COL21A1: variants seen among roughly 807,000 people sequenced by gnomAD.
COL21A1 encodes the protein collagen alpha-1(XXI) chain.
Under a neutral mutation model 137.9 loss-of-function variants are expected in COL21A1, and 149 were observed. The observed-to-expected ratio is 1.08, with a 90% CI of 0.95 to 1.24. COL21A1 has a LOEUF of 1.24. Ranked by LOEUF, COL21A1 falls within the 50% of genes most tolerant of loss-of-function variation. The pLI, the probability that COL21A1 is intolerant of heterozygous loss-of-function variation, is 0.00. For synonymous variants in COL21A1, 456 were observed against 391.5 expected, an observed-to-expected ratio of 1.16 and a Z score of -1.95; for missense variants, 1,167 against 1,158.4, an observed-to-expected ratio of 1.01 and a Z score of -0.11.
intron 1 of COL21A1, among the ~76,000 whole-genome samples, chr6:56,287,272 A>G (rs1224290632): frequency 6.6e-6 from 1 of 152,162 alleles, no homozygotes; most frequent in African/African-American, 2.4e-5. Context: ...GGAAAAAATA[A>G]TGGCTCCCCA....
chr6:56,100,890 G>A lies in COL21A1; in HGVS notation c.1812+582C>T, dbSNP rs193045778. On this transcript the variant is annotated intron_variant, in intron 17 of 29. Coordinates refer to ENST00000244728, the MANE Select transcript of COL21A1 (RefSeq NM_030820.4). ...TTACTTCAGTTCTTAACCTAGCTCC[G>A]CACAAGGCAAATTTCAAATTTCTTG... Among the ~76,000 whole-genome samples, 4 of 152,194 alleles carry A rather than the reference G, an allele frequency of 2.6e-5. No individual in the cohort carries two copies. The East Asian group carries it at 5.8e-4, about 22-fold the overall frequency.
intron 3 of COL21A1, among the ~76,000 whole-genome samples, chr6:56,178,027 G>C (rs1050503616): frequency 3.3e-5 from 5 of 152,008 alleles, no homozygotes; most frequent in Admixed American, 3.3e-4. Flanking sequence ...ACTCTTCTAA[G>C]CACATCTACT....
At chr6:56,373,372 C>T (rs2093993601) in intron 1 of COL21A1, among the ~76,000 whole-genome samples, 1 of 152,154 alleles carries the variant, frequency 6.6e-6, no homozygotes, top group African/African-American at 2.4e-5. Flanking sequence ...GAGGCCAAGA[C>T]GGGTGGATCA....
At chr6:56,126,731 A>G (rs965052110) in intron 12 of COL21A1, 1 of 152,222 alleles carries the variant, frequency 6.6e-6, no homozygotes, top group African/African-American at 2.4e-5. Context: ...TACTTAGTTC[A>G]GTGGGATATG....
chr6:56,219,019 A>G (rs1470367387), intron 1 of COL21A1, among the ~76,000 whole-genome samples: 1 of 152,068 alleles, frequency 6.6e-6, no homozygotes, highest in Non-Finnish European at 1.5e-5. Flanking sequence ...TGGGTGCCTC[A>G]TGAGCTGAGC....
At chr6:56,288,922 T>C (rs1763975853) in intron 1 of COL21A1, among the ~76,000 whole-genome samples, 1 of 152,222 alleles carries the variant, frequency 6.6e-6, no homozygotes, top group African/African-American at 2.4e-5. Context: ...AATTCCCTAT[T>C]GGGATGAAAA....
At position 56,385,515 on chromosome 6, in the gene COL21A1, T is replaced by A. The variant is rs1201982885; in HGVS notation, c.-39+8456A>T. Among the ~76,000 whole-genome samples the A allele has an allele frequency of 1.4e-4, 22 of 151,886 alleles. 1 individual carries two copies. The highest frequency in any genetic ancestry group is 1.4e-3 in the Admixed American group (21 of 15,236). On this transcript the variant is annotated intron_variant, in intron 1 of 28. Coordinates refer to the COL21A1 transcript ENST00000370819. ...TCTCACATTGTATCACTCTGACTCT[T>A]TTTTTTTAGTCTTCCTCCTCCACTT...
intron 28 of COL21A1, 65 bp from the exon 29 acceptor site, chr6:56,059,307 A>T (rs1327181494): frequency 1.2e-5 from 13 of 1,128,244 alleles, no homozygotes; most frequent in Non-Finnish European, 1.6e-5. Flanking sequence ...TGTTTCATTC[A>T]AAGCTGTTAA....
intron 17 of COL21A1, chr6:56,078,068 T>C (rs1456830847): frequency 2.2e-6 from 1 of 455,486 alleles, no homozygotes; most frequent in Non-Finnish European, 4.4e-6. Flanking sequence ...AAAATGGCAA[T>C]CTTTTCTCTT....
At chr6:56,072,824 A>G (rs1326673488) in intron 20 of COL21A1, among the ~76,000 whole-genome samples, 2 of 151,642 alleles carry the variant, frequency 1.3e-5, no homozygotes, top group African/African-American at 4.8e-5. Context: ...ATTTTATTGA[A>G]AAGATTATGT....
chr6:56,309,100 T>A (rs1425235467), intron 1 of COL21A1, among the ~76,000 whole-genome samples: 3 of 151,336 alleles, frequency 2.0e-5, no homozygotes, highest in African/African-American at 7.3e-5. Flanking sequence ...TGGAGTATAG[T>A]GGTGTGATCT....
rs182596595 is a variant in COL21A1, at chr6:56,207,309, A to G, written c.-38-24653T>C. ...GCTAACCAGACTAATAAAGAAGAAA[A>G]GAGAGAAGAATCACATAGATTCGAT... On this transcript the variant is annotated intron_variant, in intron 1 of 29. Transcript: ENST00000244728. Among the ~76,000 whole-genome samples, 51 of 152,302 alleles carry G rather than the reference A, an allele frequency of 3.3e-4. 1 individual carries two copies. In the East Asian group the frequency reaches 9.6e-3, roughly 29 times the overall value.
chr6:56,211,841 A>ATCC (rs1780196023), intron 1 of COL21A1, among the ~76,000 whole-genome samples: 1 of 151,906 alleles, frequency 6.6e-6, no homozygotes, highest in South Asian at 2.1e-4. Context: ...AAAATACATC[A>ATCC]ATCTATACCA....
chr6:56,327,633 G>C (rs537997312), intron 1 of COL21A1, among the ~76,000 whole-genome samples: 11 of 152,122 alleles, frequency 7.2e-5, no homozygotes, highest in Non-Finnish European at 1.3e-4. Flanking sequence ...TGGAGCCAAG[G>C]AGGCACTTAG....
chr6:56,187,757 A>G (rs1446199419), intron 1 of COL21A1, among the ~76,000 whole-genome samples: 5 of 152,168 alleles, frequency 3.3e-5, no homozygotes, highest in Non-Finnish European at 7.3e-5. Flanking sequence ...TATCTTCACA[A>G]CTTTGGATTA....
chr6:56,370,971 T>C (rs2093987139), intron 1 of COL21A1, among the ~76,000 whole-genome samples: 1 of 152,190 alleles, frequency 6.6e-6, no homozygotes, highest in Non-Finnish European at 1.5e-5. Flanking sequence ...TATAATCTTT[T>C]TATGGAAAAA....
At chr6:56,114,628 A>G (rs1045739419) in intron 16 of COL21A1, among the ~76,000 whole-genome samples, 5 of 151,728 alleles carry the variant, frequency 3.3e-5, no homozygotes, top group African/African-American at 1.2e-4. Context: ...ATGAGATACC[A>G]TCTCACACCA....
intron 1 of COL21A1, among the ~76,000 whole-genome samples, chr6:56,283,009 T>G (rs1364816321): frequency 6.6e-6 from 1 of 152,226 alleles, no homozygotes; most frequent in Non-Finnish European, 1.5e-5. Context: ...TTGAAGGAAC[T>G]TCTATTACAA....
At chr6:56,369,295 G>A (rs1420341747) in intron 1 of COL21A1, among the ~76,000 whole-genome samples, 4 of 151,562 alleles carry the variant, frequency 2.6e-5, no homozygotes, top group African/African-American at 7.3e-5. Context: ...TGATAACAGG[G>A]TAAGAATAGC....
Sources: allele counts gnomAD v4.1 joint callset (sites outside exome capture counted in the v4.1 genomes callset), GRCh38; gene constraint gnomAD v4.1.1; transcripts MANE v1.5; gene names NCBI Gene and HGNC (gene_info 2026-07-23, HGNC 2026-07-21).